The following BIN3 variants were observed in gnomAD, a reference collection of about 807,000 sequenced individuals.
BIN3 encodes bridging integrator 3.
A neutral mutation model predicts 38.2 loss-of-function variants in BIN3; 41 were observed. The observed-to-expected ratio is 1.07, with a 90% CI of 0.84 to 1.39. BIN3 has a LOEUF of 1.39. Ranked by LOEUF, BIN3 falls within the 40% of genes most tolerant of loss-of-function variation. The pLI is 0.00. For missense variants in BIN3, 361 were observed against 324.3 expected, an observed-to-expected ratio of 1.11 and a Z score of -0.87; for synonymous variants, 145 against 122.6, an observed-to-expected ratio of 1.18 and a Z score of -1.21.
intron 1 of BIN3, among the ~76,000 whole-genome samples, chr8:22,648,136 CAAAAAA>C (rs55869105): frequency 9.8e-6 from 1 of 102,392 alleles, no homozygotes. Context: ...CTCCGTCTCT[CAAAAAA>C]AAAAAAAAAA....
In BIN3 at chr8:22,630,426, A is replaced by G. The variant is rs777059512; in HGVS notation, c.297+16T>C. 1 of 1,613,508 alleles carries G rather than the reference A, an allele frequency of 6.2e-7. No individual in the cohort carries two copies. Among genetic ancestry groups the G allele is most frequent in the Admixed American group, 1.7e-5 (1 of 60,018 alleles). On this transcript the variant is annotated intron_variant, in intron 5 of 8. Coordinates refer to ENST00000276416, the MANE Select transcript of BIN3 (RefSeq NM_018688.6). ...CAGAAGTCATGCTTGCCCACCCCACACCAAGACCTAGTCACCTTTTCCTGA... is the reference window on the plus strand; with the variant it reads ...CAGAAGTCATGCTTGCCCACCCCACGCCAAGACCTAGTCACCTTTTCCTGA...
At chr8:22,628,760 G>A (rs1802086307) in intron 6 of BIN3, among the ~76,000 whole-genome samples, 1 of 152,192 alleles carries the variant, frequency 6.6e-6, no homozygotes, top group Non-Finnish European at 1.5e-5. Context: ...TGTGGCCCTG[G>A]CACAGAAAAG....
At position 22,669,081 on chromosome 8, in the gene BIN3, C is replaced by G. The variant is rs1470113687; in HGVS notation, c.-30G>C. On this transcript the variant is annotated 5_prime_UTR_variant, in exon 1 of 9. Coordinates refer to ENST00000276416, the MANE Select transcript of BIN3 (RefSeq NM_018688.6). ...CCGAACCTGCGTCTGCCGCCGGGGT[C>G]CTCAGCCACAACTCGTTTCTCTAGG... The G allele has an allele frequency of 1.9e-6, 3 of 1,590,144 alleles. No homozygotes were observed. Among genetic ancestry groups the G allele is most frequent in the Non-Finnish European group, 2.6e-6 (3 of 1,168,616 alleles).
At chr8:22,658,914 C>A (rs1803144654) in intron 1 of BIN3, among the ~76,000 whole-genome samples, 1 of 152,182 alleles carries the variant, frequency 6.6e-6, no homozygotes, top group Non-Finnish European at 1.5e-5. Flanking sequence ...TCGGCAAGAG[C>A]AGGAAGGTGG....
At position 22,620,729 on chromosome 8, in the gene BIN3, T is replaced by A. The variant is rs1244164160; in HGVS notation, c.*693A>T. ...TACTATGTGGACGTTTCATTGAAAA[T>A]TTTACTTGAAAAAATAAAATTCCAG... is the stretch of plus-strand genomic sequence containing the variant. On this transcript the variant is annotated 3_prime_UTR_variant, in exon 9 of 9. Transcript: ENST00000276416. 1 of 152,194 alleles carries A rather than the reference T, an allele frequency of 6.6e-6. No homozygotes were observed. Among genetic ancestry groups the A allele is most frequent in the Non-Finnish European group, 1.5e-5 (1 of 68,034 alleles). 9.4% of individuals were successfully genotyped at this position (152,194 alleles called of 1,614,324 possible).
intron 2 of BIN3, among the ~76,000 whole-genome samples, chr8:22,641,020 T>C (rs1386927354): frequency 6.6e-6 from 1 of 152,084 alleles, no homozygotes; most frequent in African/African-American, 2.4e-5. Context: ...TCTCCTCCAC[T>C]GGGGAAAGAT....
intron 1 of BIN3, among the ~76,000 whole-genome samples, chr8:22,649,162 A>G (rs552947109): frequency 2.2e-4 from 34 of 152,194 alleles, no homozygotes; most frequent in South Asian, 4.2e-4. Context: ...GACTCCTTAT[A>G]ATTTCCTGTC....
chr8:22,639,092 G>A (rs1159124208), intron 2 of BIN3, among the ~76,000 whole-genome samples: 1 of 152,232 alleles, frequency 6.6e-6, no homozygotes, highest in Non-Finnish European at 1.5e-5. Flanking sequence ...AAGGAGCCTC[G>A]CCAGGGCCCT....
At chr8:22,650,728 G>T (rs1287389094) in intron 1 of BIN3, among the ~76,000 whole-genome samples, 1 of 152,108 alleles carries the variant, frequency 6.6e-6, no homozygotes, top group Non-Finnish European at 1.5e-5. Context: ...TGCTTATACT[G>T]CTACCTCTAG....
At chr8:22,648,496 T>A (rs551564256) in intron 1 of BIN3, among the ~76,000 whole-genome samples, 1 of 152,306 alleles carries the variant, frequency 6.6e-6, no homozygotes, top group South Asian at 2.1e-4. Flanking sequence ...GTCTGATGCT[T>A]TTCTCCTGAC....
chr8:22,644,882 C>A, intron 1 of BIN3, 79 bp from the exon 2 acceptor site: 1 of 1,302,234 alleles, frequency 7.7e-7, no homozygotes, highest in East Asian at 2.5e-5. Flanking sequence ...CAGTACAGGC[C>A]ACTTTCCCCC....
At chr8:22,663,871 C>G (rs1440264656) in intron 1 of BIN3, among the ~76,000 whole-genome samples, 1 of 152,224 alleles carries the variant, frequency 6.6e-6, no homozygotes, top group Admixed American at 6.5e-5. Flanking sequence ...AAAATTACAT[C>G]TGCTTCAAGT....
Position 22,624,256 on chromosome 8 carries a change from T to G in BIN3, c.446A>C (p.Glu149Ala), listed in dbSNP as rs1198227149. The G allele has an allele frequency of 3.1e-6, 5 of 1,613,798 alleles. No homozygotes were observed. In the African/African-American group the frequency reaches 6.7e-5, roughly 22 times the overall value. The change falls in exon 7 of 9, where the codon GAG (glutamate) becomes GCG (alanine). Residue 149 changes from glutamate to alanine, a missense_variant. Coordinates refer to ENST00000276416, the MANE Select transcript of BIN3 (RefSeq NM_018688.6). ...CTTGGCCAGCACTGGCCCCGTCTTC[T>G]CCTTTTCCTCATACTTCTCCACCTT... ...QAKVEKYEEK[E>A]KTGPVLAKLH...
intron 1 of BIN3, among the ~76,000 whole-genome samples, chr8:22,651,406 C>G (rs1298300644): frequency 3.9e-5 from 6 of 152,214 alleles, no homozygotes; most frequent in African/African-American, 1.4e-4. Flanking sequence ...CACCAGCTGT[C>G]CCTTCACCAA....
intron 6 of BIN3, among the ~76,000 whole-genome samples, chr8:22,628,598 T>C (rs1802080062): frequency 6.6e-6 from 1 of 152,136 alleles, no homozygotes; most frequent in Non-Finnish European, 1.5e-5. Flanking sequence ...TTTCTCTCCA[T>C]TTGGGCTTCA....
chr8:22,638,167 T>C (rs1802432357), intron 2 of BIN3, among the ~76,000 whole-genome samples: 1 of 152,232 alleles, frequency 6.6e-6, no homozygotes, highest in Admixed American at 6.5e-5. Flanking sequence ...CTGCAGAAAC[T>C]GTCAAAGCCA....
intron 2 of BIN3, among the ~76,000 whole-genome samples, chr8:22,639,537 T>C (rs1802472979): frequency 6.6e-6 from 1 of 152,160 alleles, no homozygotes; most frequent in Non-Finnish European, 1.5e-5. Flanking sequence ...CAGCCAACTT[T>C]AGGTGGCTTA....
intron 6 of BIN3, among the ~76,000 whole-genome samples, chr8:22,628,782 C>G (rs1802087021): frequency 6.6e-6 from 1 of 152,206 alleles, no homozygotes; most frequent in East Asian, 1.9e-4. Context: ...CCTCTGTGGG[C>G]AGGGTCTGCT....
intron 1 of BIN3, among the ~76,000 whole-genome samples, chr8:22,665,675 G>A (rs1202112025): frequency 6.6e-6 from 1 of 152,234 alleles, no homozygotes; most frequent in Non-Finnish European, 1.5e-5. Context: ...GGAGAAGCTT[G>A]GAGGATGGAA....
Sources: gnomAD v4.1 joint callset for allele counts (sites outside exome capture counted in the v4.1 genomes callset) on GRCh38, gnomAD v4.1.1 for gene constraint, MANE v1.5 for transcripts, NCBI Gene and HGNC (gene_info 2026-07-23, HGNC 2026-07-21) for gene names.